Variants in CDH22 observed in about 807,000 individuals in gnomAD.
CDH22 encodes the protein cadherin-22.
Under a neutral mutation model 58.4 loss-of-function variants are expected in CDH22, and 30 were observed. The observed-to-expected ratio is 0.51, with a 90% CI of 0.38 to 0.70. The LOEUF is 0.70. CDH22 is among the 30% of genes least tolerant of loss of function. The pLI is 0.00. For missense variants in CDH22, 1,014 were observed against 1,233.9 expected, an observed-to-expected ratio of 0.82 and a Z score of 2.67; for synonymous variants, 513 against 558.2, an observed-to-expected ratio of 0.92 and a Z score of 1.14.
chr20:46,274,739 T>C (rs1600723894), intron 1 of CDH22, among the ~76,000 whole-genome samples: 1 of 151,480 alleles, frequency 6.6e-6, no homozygotes, highest in African/African-American at 2.4e-5. Flanking sequence ...AGGAGTACTA[T>C]TAAGCAATAA....
Position 46,178,241 on chromosome 20 carries a change from T to A in CDH22, c.1664-44A>T. 1.9e-6 allele frequency: 3 copies of A among 1,587,434 alleles called. No individual in the cohort carries two copies. In the East Asian group the frequency reaches 6.7e-5, roughly 36 times the overall value. Reference sequence around the variant, plus strand: ...GAGCGGTGTGACTTGGGGCCGGGGGTCAGCATCCTTGTCCTAGCCACCTCC... The same window carrying A: ...GAGCGGTGTGACTTGGGGCCGGGGGACAGCATCCTTGTCCTAGCCACCTCC... On this transcript the variant is annotated intron_variant, in intron 10 of 11. Transcript: ENST00000537909.
intron 3 of CDH22, among the ~76,000 whole-genome samples, chr20:46,238,595 A>G (rs78707604): frequency 2.2e-3 from 331 of 152,240 alleles, no homozygotes; most frequent in Non-Finnish European, 2.6e-3. Context: ...TGTTCCTTCA[A>G]TCTCAGTAAA....
Position 46,178,586 on chromosome 20 carries a change from C to CTTTTTTTTTTTTTTTTTTTT in CDH22, c.1664-409_1664-390dup, listed in dbSNP as rs33937889. Among the ~76,000 whole-genome samples the CTTTTTTTTTTTTTTTTTTTT allele has an allele frequency of 2.0e-4, 19 of 95,338 alleles. 1 individual carries two copies. The highest frequency in any genetic ancestry group is 2.8e-4 in the Non-Finnish European group (14 of 49,392). The allele number at this position is 95,338 out of a possible 152,430, so 62.5% of individuals were successfully genotyped here. On this transcript the variant is annotated intron_variant, in intron 10 of 11. Coordinates refer to ENST00000537909, the MANE Select transcript of CDH22 (RefSeq NM_021248.3). ...GCCAAGGTCCTGTCCCTGGCGTTGT[C>CTTTTTTTTTTTTTTTTTTTT]TTTTTTTTTTTTTTTTTTTTTGCCA...
chr20:46,251,180 C>T lies in CDH22; in HGVS notation c.115G>A (p.Ala39Thr). Reference sequence around the variant, plus strand: ...GGCGCCGACGGCGAGGGTGTGCCCGCTGCCCACAGGCGCCCCAGCAGCGTC... The same window carrying T: ...GGCGCCGACGGCGAGGGTGTGCCCGTTGCCCACAGGCGCCCCAGCAGCGTC... The part of the protein sequence containing the change: ...PPTLLGRLWA[A>T]GTPSPSAPGA... Residue 39 changes from alanine to threonine, a missense_variant, in exon 2 of 12, where the codon GCG (alanine) becomes ACG (threonine). This residue lies in a region of CDH22 where 806 missense variants were observed against 1,038.7 expected (regional missense o/e 0.78). Transcript: ENST00000537909. This position sits in a 1 kb window ranked among gnomAD's most constrained non-coding sequence, Gnocchi z 6.7. The T allele has an allele frequency of 6.4e-7, 1 of 1,552,450 alleles. No individual in the cohort carries two copies. The highest frequency in any genetic ancestry group is 8.7e-7 in the Non-Finnish European group (1 of 1,151,160).
At chr20:46,275,501 T>C (rs1466475464) in intron 1 of CDH22, among the ~76,000 whole-genome samples, 1 of 152,230 alleles carries the variant, frequency 6.6e-6, no homozygotes, top group Non-Finnish European at 1.5e-5. Context: ...TGCGATTTAC[T>C]TATTTATGAT....
intron 3 of CDH22, among the ~76,000 whole-genome samples, chr20:46,236,711 A>AG (rs61113430): frequency 5.3e-5 from 8 of 150,262 alleles, no homozygotes. Context: ...AGAGAGAGAG[A>AG]AAGAGAGTCT....
At position 46,210,320 on chromosome 20, in the gene CDH22, TG is replaced by T; in HGVS notation, c.1272del (p.Asn425ThrfsTer28). 1 of 1,449,262 alleles carries T rather than the reference TG, an allele frequency of 6.9e-7. No individual in the cohort carries two copies. Among genetic ancestry groups the T allele is most frequent in the East Asian group, 3.0e-5 (1 of 33,252 alleles). The allele number at this position is 1,449,262 out of a possible 1,614,324, so 89.8% of individuals were successfully genotyped here. ...CGGGGGTCTCACCGGACGGGCCGGTTGGCGGCGTCGGGGTCCCGCGCCGTCA... is the reference window on the plus strand; with the variant it reads ...CGGGGGTCTCACCGGACGGGCCGGTTGCGGCGTCGGGGTCCCGCGCCGTCA... ...GVVTARDPDA[A>X]NRPVRYAIDR... On this transcript the variant is annotated frameshift_variant, in exon 7 of 12. Coordinates refer to ENST00000537909, the MANE Select transcript of CDH22 (RefSeq NM_021248.3). LOFTEE classifies it high-confidence loss of function. The surrounding 1 kb of genome is among the most constrained non-coding windows in gnomAD (Gnocchi z 4.5).
intron 2 of CDH22, among the ~76,000 whole-genome samples, chr20:46,243,573 T>G (rs2086308076): frequency 6.6e-6 from 1 of 152,196 alleles, no homozygotes; most frequent in African/African-American, 2.4e-5. Flanking sequence ...CCCAATAAAA[T>G]TATTTCAGGA....
At chr20:46,245,361 C>G (rs898061073) in intron 2 of CDH22, among the ~76,000 whole-genome samples, 3 of 152,212 alleles carry the variant, frequency 2.0e-5, no homozygotes, top group African/African-American at 7.2e-5. Flanking sequence ...ACACATGCCC[C>G]TCTACTCCAC....
At chr20:46,222,240 TC>T (rs2086131747) in intron 4 of CDH22, among the ~76,000 whole-genome samples, 1 of 152,138 alleles carries the variant, frequency 6.6e-6, no homozygotes, top group Non-Finnish European at 1.5e-5. Context: ...GAGGCAGAAA[TC>T]CATGCTGGTC....
chr20:46,243,912 T>C (rs978058271), intron 2 of CDH22, among the ~76,000 whole-genome samples: 1 of 152,230 alleles, frequency 6.6e-6, no homozygotes, highest in African/African-American at 2.4e-5. Flanking sequence ...GGGGAAGTCA[T>C]GTGCTGTGTC....
intron 7 of CDH22, 147 bp from the exon 8 acceptor site, chr20:46,199,706 C>T: frequency 4.1e-6 from 4 of 964,626 alleles, no homozygotes; most frequent in South Asian, 1.7e-5. Flanking sequence ...CGAGGAGGAG[C>T]GGGAAGCAAC....
Position 46,253,954 on chromosome 20 carries a change from A to G in CDH22, c.-399-2261T>C, listed in dbSNP as rs189638893. 1.1e-3 allele frequency among the ~76,000 whole-genome samples: 168 copies of G among 152,004 alleles called. 1 individual carries two copies. Among genetic ancestry groups the G allele is most frequent in the Non-Finnish European group, 1.2e-3 (84 of 67,980 alleles). On this transcript the variant is annotated intron_variant, in intron 1 of 11. Transcript: ENST00000537909. ...TTGCTCTCCTTCCCTCCTTTCCTTT[A>G]TTTCTTTGTTTCTAACACCTTTGAC...
At chr20:46,250,160 C>T (rs1039207881) in intron 2 of CDH22, among the ~76,000 whole-genome samples, 5 of 152,180 alleles carry the variant, frequency 3.3e-5, no homozygotes, top group African/African-American at 7.2e-5. Flanking sequence ...TATAGATCTT[C>T]AGCCAGATTT....
chr20:46,259,302 T>C (rs113979763), intron 1 of CDH22, among the ~76,000 whole-genome samples: 1,973 of 152,350 alleles, frequency 0.013, 23 homozygotes, highest in Middle Eastern at 0.031. Context: ...GAACACTTAT[T>C]GAACTACTAG....
At chr20:46,176,245 A>G (rs974808644) in intron 11 of CDH22, among the ~76,000 whole-genome samples, 5 of 152,120 alleles carry the variant, frequency 3.3e-5, no homozygotes, top group Non-Finnish European at 7.4e-5. Flanking sequence ...GAAACTGACA[A>G]TCCCCATATC....
chr20:46,292,761 C>T (rs561808750), intron 1 of CDH22, among the ~76,000 whole-genome samples: 23 of 152,302 alleles, frequency 1.5e-4, no homozygotes, highest in South Asian at 6.2e-4. Context: ...CTCTGAAATG[C>T]TCTCCTGCCC....
chr20:46,226,966 T>C (rs921011942), intron 4 of CDH22, among the ~76,000 whole-genome samples: 1 of 152,168 alleles, frequency 6.6e-6, no homozygotes, highest in Non-Finnish European at 1.5e-5. Flanking sequence ...CACCATCGTT[T>C]GGTGGTGTTG....
chr20:46,202,440 G>A (rs1443900316), intron 7 of CDH22, among the ~76,000 whole-genome samples: 1 of 150,112 alleles, frequency 6.7e-6, no homozygotes, highest in Non-Finnish European at 1.5e-5. Context: ...TGCAAGCTCC[G>A]CCTCCTGGGT....
Sources: gnomAD v4.1 joint callset for allele counts (sites outside exome capture counted in the v4.1 genomes callset) on GRCh38, gnomAD v4.1.1 for gene constraint, gnomAD v4.1.1 regional missense constraint, Gnocchi (gnomAD v3.1) non-coding constraint, MANE v1.5 for transcripts, NCBI Gene and HGNC (gene_info 2026-07-23, HGNC 2026-07-21) for gene names.